NUBPL: variants seen among roughly 807,000 people sequenced by gnomAD.
NUBPL encodes NUBP iron-sulfur cluster assembly factor, mitochondrial.
NUBPL carries 31 observed loss-of-function variants against 45.7 expected under a neutral mutation model. The observed-to-expected ratio is 0.68, with a 90% CI of 0.51 to 0.92. The LOEUF is 0.92. Ranked by LOEUF, NUBPL falls within the 40% of genes least tolerant of loss-of-function variation. NUBPL has a pLI of 0.00. For missense variants in NUBPL, 401 were observed against 398.7 expected (o/e 1.01, Z -0.05); for synonymous variants, 144 against 140.9 (o/e 1.02, Z -0.15).
chr14:31,663,174 A>G (rs182954174), intron 4 of NUBPL, among the ~76,000 whole-genome samples: 1 of 152,048 alleles, frequency 6.6e-6, no homozygotes, highest in East Asian at 1.9e-4. Context: ...AAAATTTTCT[A>G]CCATTCTGTA....
At chr14:31,670,845 A>G (rs981603535) in intron 4 of NUBPL, among the ~76,000 whole-genome samples, 2 of 152,050 alleles carry the variant, frequency 1.3e-5, no homozygotes, top group Non-Finnish European at 2.9e-5. Flanking sequence ...CTGTTTTTGT[A>G]CCAGTACCAT....
At chr14:31,762,305 A>G (rs894057886) in intron 6 of NUBPL, among the ~76,000 whole-genome samples, 3 of 152,238 alleles carry the variant, frequency 2.0e-5, no homozygotes, top group African/African-American at 4.8e-5. Context: ...AGCTTTTAAC[A>G]TGTGATAGCA....
chr14:31,706,156 C>A (rs190358130), intron 6 of NUBPL, among the ~76,000 whole-genome samples: 1 of 125,992 alleles, frequency 7.9e-6, no homozygotes, highest in Non-Finnish European at 1.9e-5. Flanking sequence ...CTCTCAATCC[C>A]CCCTCTAAAC....
At chr14:31,667,559 G>C (rs753019950) in intron 4 of NUBPL, among the ~76,000 whole-genome samples, 1 of 151,918 alleles carries the variant, frequency 6.6e-6, no homozygotes, top group East Asian at 1.9e-4. Context: ...CTGTCAATTC[G>C]TCATACTCTT....
intron 8 of NUBPL, chr14:31,844,076 A>G (rs953534525): frequency 1.3e-5 from 2 of 152,232 alleles, no homozygotes; most frequent in African/African-American, 4.8e-5. Flanking sequence ...TGTGTAGTCT[A>G]TAGAGAACAT....
At chr14:31,645,662 A>G (rs1336589415) in intron 4 of NUBPL, among the ~76,000 whole-genome samples, 2 of 152,060 alleles carry the variant, frequency 1.3e-5, no homozygotes, top group Non-Finnish European at 2.9e-5. Flanking sequence ...GGTTAGTATG[A>G]GACTTGCAAA....
At chr14:31,808,695 A>C (rs941110173) in intron 7 of NUBPL, among the ~76,000 whole-genome samples, 3 of 152,180 alleles carry the variant, frequency 2.0e-5, no homozygotes, top group African/African-American at 4.8e-5. Context: ...GTCTTGTGCC[A>C]GTTTTCAAAG....
chr14:31,789,017 T>A (rs535061793), intron 7 of NUBPL, among the ~76,000 whole-genome samples: 1 of 152,258 alleles, frequency 6.6e-6, no homozygotes, highest in East Asian at 1.9e-4. Flanking sequence ...ATTTATTGAG[T>A]GAACACTGGA....
intron 4 of NUBPL, among the ~76,000 whole-genome samples, chr14:31,621,827 A>G (rs1454301318): frequency 1.3e-5 from 2 of 152,186 alleles, no homozygotes; most frequent in Non-Finnish European, 2.9e-5. Flanking sequence ...GGACTAATAC[A>G]GGAAATTGGT....
At chr14:31,850,802 T>G (rs2040527003) in intron 10 of NUBPL, among the ~76,000 whole-genome samples, 1 of 151,960 alleles carries the variant, frequency 6.6e-6, no homozygotes, top group African/African-American at 2.4e-5. Flanking sequence ...ATTTTTTTTT[T>G]TATGGAGACA....
At chr14:31,643,605 A>G (rs893144587) in intron 4 of NUBPL, among the ~76,000 whole-genome samples, 3 of 151,946 alleles carry the variant, frequency 2.0e-5, no homozygotes, top group Non-Finnish European at 4.4e-5. Context: ...TTGGGTCTAT[A>G]GTTTTCTTTT....
At chr14:31,610,780 C>T (rs6571437) in intron 4 of NUBPL, among the ~76,000 whole-genome samples, 45,280 of 151,954 alleles carry the variant, frequency 0.3, 7,555 homozygotes, top group South Asian at 0.41. Flanking sequence ...TCAGCACAAG[C>T]AAATCAATTA....
At chr14:31,599,604 T>C (rs2034373394) in intron 4 of NUBPL, among the ~76,000 whole-genome samples, 1 of 152,188 alleles carries the variant, frequency 6.6e-6, no homozygotes, top group African/African-American at 2.4e-5. Context: ...CACAAAAACT[T>C]CACCAAACTT....
In NUBPL at chr14:31,769,105, G is replaced by A. The variant is rs2038963276; in HGVS notation, c.514-18675G>A. ...CTCATTGGTTTACACAAATAACATT[G>A]ATTAGTGATGGTAATACATTGTTAA... On this transcript the variant is annotated intron_variant, in intron 6 of 10. Transcript: ENST00000281081. Among the ~76,000 whole-genome samples, 5 of 152,116 alleles carry A rather than the reference G, an allele frequency of 3.3e-5. No homozygotes were observed. The South Asian group carries it at 1.0e-3, about 32-fold the overall frequency.
rs867539965 is a variant in NUBPL, at chr14:31,755,581, G to T, written c.514-32199G>T. On this transcript the variant is annotated intron_variant, in intron 6 of 10. Coordinates refer to ENST00000281081, the MANE Select transcript of NUBPL (RefSeq NM_025152.3). ...TCTTGTAAATTTGTTTGAGTTCATT[G>T]TAGATTCTGGATATTAGCCCTTTGT... Among the ~76,000 whole-genome samples the T allele has an allele frequency of 6.6e-3, 991 of 151,226 alleles. 11 individuals carry two copies. The highest frequency in any genetic ancestry group is 0.022 in the African/African-American group (928 of 41,300).
At chr14:31,776,101 A>G (rs2039093884) in intron 6 of NUBPL, among the ~76,000 whole-genome samples, 1 of 152,192 alleles carries the variant, frequency 6.6e-6, no homozygotes, top group Non-Finnish European at 1.5e-5. Flanking sequence ...GTTTTCATTT[A>G]TAATTTGGTA....
At chr14:31,782,787 A>AAAC (rs1566559377) in intron 6 of NUBPL, among the ~76,000 whole-genome samples, 6 of 151,438 alleles carry the variant, frequency 4.0e-5, no homozygotes, top group Non-Finnish European at 8.8e-5. Context: ...CTCCGTCTAA[A>AAAC]AAACAAACAA....
At chr14:31,646,661 G>C (rs1358175294) in intron 4 of NUBPL, among the ~76,000 whole-genome samples, 2 of 151,756 alleles carry the variant, frequency 1.3e-5, no homozygotes, top group Non-Finnish European at 2.9e-5. Context: ...TGATCTTTTT[G>C]AGTTTGATTA....
chr14:31,583,059 C>T (rs1421898726), intron 3 of NUBPL, among the ~76,000 whole-genome samples: 1 of 152,138 alleles, frequency 6.6e-6, no homozygotes, highest in East Asian at 1.9e-4. Context: ...CTGACATTTT[C>T]ATATTTGCCG....
Sources: allele counts gnomAD v4.1 joint callset (sites outside exome capture counted in the v4.1 genomes callset), GRCh38; gene constraint gnomAD v4.1.1; transcripts MANE v1.5; gene names NCBI Gene and HGNC (gene_info 2026-07-23, HGNC 2026-07-21).